The following SUGCT variants were observed in gnomAD, a reference collection of about 807,000 sequenced individuals.
SUGCT encodes the protein succinyl-CoA:glutarate-CoA transferase.
A neutral mutation model predicts 55.0 loss-of-function variants in SUGCT; 41 were observed. That is an observed-to-expected ratio of 0.74 (90% CI 0.58 to 0.97). The LOEUF is 0.97. Ranked by LOEUF, SUGCT falls within the 50% of genes least tolerant of loss-of-function variation. The pLI is 0.00. For synonymous variants in SUGCT, 187 were observed against 200.4 expected (o/e 0.93, Z 0.56); for missense variants, 568 against 547.8 (o/e 1.04, Z -0.37).
intron 12 of SUGCT, among the ~76,000 whole-genome samples, chr7:40,732,881 G>A (rs769257665): frequency 8.5e-5 from 13 of 152,136 alleles, no homozygotes; most frequent in Non-Finnish European, 1.8e-4. Flanking sequence ...CTTGAGGTCA[G>A]GAGTTCGAGA....
At chr7:40,319,219 T>C (rs974918732) in intron 9 of SUGCT, among the ~76,000 whole-genome samples, 2 of 152,212 alleles carry the variant, frequency 1.3e-5, no homozygotes, top group African/African-American at 4.8e-5. Context: ...ACCAGGTTAT[T>C]TCCTCAAGAG....
chr7:40,434,515 A>G (rs1309343756), intron 9 of SUGCT, among the ~76,000 whole-genome samples: 1 of 152,122 alleles, frequency 6.6e-6, no homozygotes, highest in African/African-American at 2.4e-5. Context: ...AAGAACTTAA[A>G]CCATGCTCAT....
At chr7:40,197,317 G>T (rs1342303804) in intron 6 of SUGCT, among the ~76,000 whole-genome samples, 1 of 152,164 alleles carries the variant, frequency 6.6e-6, no homozygotes, top group Admixed American at 6.6e-5. Flanking sequence ...TCAGAATCTT[G>T]TAATCTAATG....
chr7:40,338,850 G>T (rs989908457), intron 9 of SUGCT, among the ~76,000 whole-genome samples: 7 of 152,114 alleles, frequency 4.6e-5, no homozygotes, highest in Non-Finnish European at 2.9e-5. Flanking sequence ...CAGTTTTTCT[G>T]CCCTGTTTTT....
chr7:40,468,511 G>A (rs1357425969), intron 11 of SUGCT, among the ~76,000 whole-genome samples: 1 of 151,946 alleles, frequency 6.6e-6, no homozygotes, highest in Non-Finnish European at 1.5e-5. Context: ...CAATAAATGG[G>A]TATTATGTAG....
chr7:40,652,252 C>T (rs954309121), intron 12 of SUGCT, among the ~76,000 whole-genome samples: 4 of 152,142 alleles, frequency 2.6e-5, no homozygotes, highest in African/African-American at 9.7e-5. Context: ...GGTTGAATTA[C>T]TTTCTTAGTT....
intron 7 of SUGCT, among the ~76,000 whole-genome samples, chr7:40,259,817 T>C (rs1791101599): frequency 6.6e-6 from 1 of 152,238 alleles, no homozygotes; most frequent in Non-Finnish European, 1.5e-5. Context: ...TTGACCTTAT[T>C]AGATCTTTTA....
intron 13 of SUGCT, among the ~76,000 whole-genome samples, chr7:40,755,896 A>C (rs1483277018): frequency 6.6e-6 from 1 of 152,202 alleles, no homozygotes; most frequent in African/African-American, 2.4e-5. Flanking sequence ...AAGCAGCTCC[A>C]GGTTCTTCAA....
chr7:41,006,004 G>A, the SUGCT span, among the ~76,000 whole-genome samples: 1 of 152,134 alleles, frequency 6.6e-6, no homozygotes, highest in Non-Finnish European at 1.5e-5. Context: ...GTTTTGTGAA[G>A]CCCTCCTAAG....
chr7:40,640,638 T>C (rs183393005), intron 12 of SUGCT, among the ~76,000 whole-genome samples: 2 of 152,328 alleles, frequency 1.3e-5, no homozygotes, highest in African/African-American at 2.4e-5. Flanking sequence ...AACAGTGGTT[T>C]CACATTACTG....
intron 12 of SUGCT, among the ~76,000 whole-genome samples, chr7:40,505,911 TACTC>T (rs1464952878): frequency 2.6e-5 from 4 of 152,100 alleles, no homozygotes; most frequent in South Asian, 2.1e-4. Context: ...TTTTTGCTCT[TACTC>T]ACAATGATTG....
chr7:40,268,076 T>C (rs1385343542), intron 7 of SUGCT, among the ~76,000 whole-genome samples: 1 of 152,200 alleles, frequency 6.6e-6, no homozygotes, highest in East Asian at 1.9e-4. Flanking sequence ...ATCAGAATTA[T>C]GGAGTTTAAA....
the SUGCT span, among the ~76,000 whole-genome samples, chr7:40,990,975 G>C: frequency 6.6e-6 from 1 of 152,190 alleles, no homozygotes; most frequent in African/African-American, 2.4e-5. Flanking sequence ...CTCCATATCA[G>C]CAATAAGTCA....
intron 1 of SUGCT, among the ~76,000 whole-genome samples, chr7:40,142,428 A>G (rs558393585): frequency 1.3e-5 from 2 of 152,296 alleles, no homozygotes; most frequent in African/African-American, 2.4e-5. Flanking sequence ...CAGATTTTCC[A>G]AAAGAAGAAG....
chr7:40,718,264 A>G (rs1562962204), intron 12 of SUGCT, among the ~76,000 whole-genome samples: 1 of 152,210 alleles, frequency 6.6e-6, no homozygotes, highest in Non-Finnish European at 1.5e-5. Flanking sequence ...AACCAAATCC[A>G]ACAAAATCTT....
the SUGCT span, among the ~76,000 whole-genome samples, chr7:41,028,520 G>C: frequency 6.6e-6 from 1 of 152,150 alleles, no homozygotes; most frequent in Non-Finnish European, 1.5e-5. Context: ...AAACCTAGGA[G>C]GCAGAGCCCA....
intron 9 of SUGCT, among the ~76,000 whole-genome samples, chr7:40,322,065 T>A (rs1323911466): frequency 6.6e-6 from 1 of 152,176 alleles, no homozygotes; most frequent in Middle Eastern, 3.2e-3. Context: ...CTATAAGCAT[T>A]CTCTTTTCTC....
At chr7:41,005,677 G>A in the SUGCT span, among the ~76,000 whole-genome samples, 3 of 152,156 alleles carry the variant, frequency 2.0e-5, no homozygotes, top group Non-Finnish European at 2.9e-5. Flanking sequence ...CTATGTTTAG[G>A]TTTGTTGCCT....
chr7:40,948,632 G>A, the SUGCT span, among the ~76,000 whole-genome samples: 2 of 150,530 alleles, frequency 1.3e-5, no homozygotes, highest in African/African-American at 4.9e-5. Context: ...AGGCCCCAGT[G>A]TGTGATATTC....
Sources: allele counts gnomAD v4.1 joint callset (sites outside exome capture counted in the v4.1 genomes callset), GRCh38; gene constraint gnomAD v4.1.1; transcripts MANE v1.5; gene names NCBI Gene and HGNC (gene_info 2026-07-23, HGNC 2026-07-21).